AFG2B: variants seen among roughly 807,000 people sequenced by gnomAD.
The protein encoded by AFG2B is AAA ATPase AFG2B.
the AFG2B span, among the ~76,000 whole-genome samples, chr15:45,404,201 TA>T: frequency 6.6e-6 from 1 of 152,216 alleles, no homozygotes; most frequent in Non-Finnish European, 1.5e-5. Flanking sequence ...AGAGAAATGA[TA>T]ATTACACACT....
chr15:45,412,184 C>T, the AFG2B span, among the ~76,000 whole-genome samples: 2 of 151,970 alleles, frequency 1.3e-5, no homozygotes, highest in East Asian at 3.9e-4. Context: ...AGGAGGATCA[C>T]GAGGTCAGGA....
At chr15:45,418,726 C>T in the AFG2B span, 3 of 1,599,076 alleles carry the variant, frequency 1.9e-6, no homozygotes, top group African/African-American at 2.7e-5. Context: ...AACATTTCTG[C>T]ATCTTTTCAA....
the AFG2B span, among the ~76,000 whole-genome samples, chr15:45,407,745 G>A: frequency 2.6e-5 from 4 of 152,076 alleles, no homozygotes; most frequent in Non-Finnish European, 5.9e-5. Flanking sequence ...TTTTGAAAAC[G>A]GGAATTTGTG....
chr15:45,414,693 C>G, the AFG2B span: 1 of 1,614,176 alleles, frequency 6.2e-7, no homozygotes, highest in Non-Finnish European at 8.5e-7. Context: ...GGGCCCTGGC[C>G]ACAAGCTGTC....
chr15:45,417,332 T>TA, the AFG2B span: 1 of 1,614,160 alleles, frequency 6.2e-7, no homozygotes, highest in South Asian at 1.1e-5. Context: ...CCTGATGTGT[T>TA]AGATACTGCT....
the AFG2B span, among the ~76,000 whole-genome samples, chr15:45,416,427 TTGG>T: frequency 6.6e-6 from 1 of 152,242 alleles, no homozygotes; most frequent in Non-Finnish European, 1.5e-5. Flanking sequence ...CCAGATGAGT[TTGG>T]TATCCTTAAA....
the AFG2B span, chr15:45,405,232 C>G: frequency 1.5e-6 from 2 of 1,303,024 alleles, no homozygotes; most frequent in Non-Finnish European, 2.1e-6. Flanking sequence ...ATTCTGCTGT[C>G]TACCTCCATC....
the AFG2B span, chr15:45,415,545 TG>T: frequency 3.4e-6 from 5 of 1,488,432 alleles, no homozygotes; most frequent in Non-Finnish European, 4.6e-6. Context: ...ACATGACTAA[TG>T]TATAACATAT....
the AFG2B span, among the ~76,000 whole-genome samples, chr15:45,408,258 C>T: frequency 1.3e-5 from 2 of 152,152 alleles, no homozygotes; most frequent in Non-Finnish European, 2.9e-5. Flanking sequence ...AAGATAGTTA[C>T]AAAGAACTTC....
chr15:45,405,794 CAA>C, the AFG2B span, among the ~76,000 whole-genome samples: 3 of 152,158 alleles, frequency 2.0e-5, no homozygotes, highest in East Asian at 5.8e-4. Context: ...CCAGAAGAAT[CAA>C]AGAGTTTTTT....
At chr15:45,413,423 C>T in the AFG2B span, among the ~76,000 whole-genome samples, 2 of 152,178 alleles carry the variant, frequency 1.3e-5, no homozygotes, top group South Asian at 2.1e-4. Flanking sequence ...GCTCTGCCCC[C>T]ACACTTGGAT....
At chr15:45,410,493 T>C in the AFG2B span, 2 of 1,611,870 alleles carry the variant, frequency 1.2e-6, no homozygotes, top group African/African-American at 2.7e-5. Context: ...TGGGAGGAGA[T>C]TGGTGGCCTT....
the AFG2B span, chr15:45,414,454 C>G: frequency 5.6e-6 from 5 of 885,876 alleles, no homozygotes; most frequent in Middle Eastern, 3.2e-4. Flanking sequence ...GGAGAATGGA[C>G]TGTTTCCAGC....
At chr15:45,406,426 T>C in the AFG2B span, among the ~76,000 whole-genome samples, 1 of 152,202 alleles carries the variant, frequency 6.6e-6, no homozygotes, top group Admixed American at 6.5e-5. Flanking sequence ...CCCTTTGTTA[T>C]TAATAAGTAT....
the AFG2B span, chr15:45,405,535 G>A: frequency 3.8e-6 from 6 of 1,596,908 alleles, no homozygotes; most frequent in Non-Finnish European, 5.1e-6. Context: ...GAACATCTAT[G>A]TTAATCTATT....
the AFG2B span, among the ~76,000 whole-genome samples, chr15:45,419,417 G>A: frequency 5.3e-5 from 8 of 151,658 alleles, no homozygotes; most frequent in East Asian, 7.8e-4. Flanking sequence ...AGATGAGATC[G>A]TGCCGCTGCA....
chr15:45,414,549 T>G, the AFG2B span: 1 of 1,607,268 alleles, frequency 6.2e-7, no homozygotes, highest in South Asian at 1.1e-5. Flanking sequence ...AAAACAACTC[T>G]TCTCTTTTTG....
chr15:45,410,582 G>T, the AFG2B span: 2 of 1,522,332 alleles, frequency 1.3e-6, no homozygotes, highest in Admixed American at 4.1e-5. Context: ...TTAACATTCT[G>T]TGCATTTATG....
the AFG2B span, chr15:45,407,132 A>C: frequency 2.0e-5 from 26 of 1,288,432 alleles, no homozygotes; most frequent in Non-Finnish European, 2.6e-5. Context: ...GCTCAGGTGT[A>C]GTTACCACAG....
Sources: gnomAD v4.1 joint callset for allele counts (sites outside exome capture counted in the v4.1 genomes callset) on GRCh38, gnomAD v4.1.1 for gene constraint, MANE v1.5 for transcripts, NCBI Gene and HGNC (gene_info 2026-07-23, HGNC 2026-07-21) for gene names.